Variants in RASA3 observed in about 807,000 individuals in gnomAD.
RASA3 encodes RAS p21 protein activator 3, also known as ras GTPase-activating protein 3.
RASA3 carries 73 observed loss-of-function variants against 110.0 expected under a neutral mutation model. The observed-to-expected ratio is 0.66, with a 90% CI of 0.55 to 0.81. The LOEUF (loss-of-function observed/expected upper bound fraction) is 0.81, where lower values mean the gene tolerates loss of function less well. Among genes scored for constraint, RASA3 ranks in the 30% least tolerant of loss-of-function variants. The pLI, the probability that RASA3 is intolerant of heterozygous loss-of-function variation, is 0.00. For synonymous variants in RASA3, 500 were observed against 451.4 expected (o/e 1.11, Z -1.37); for missense variants, 976 against 1,113.2 (o/e 0.88, Z 1.75).
chr13:114,106,798 G>A (rs777447054), intron 1 of RASA3, among the ~76,000 whole-genome samples: 1 of 152,184 alleles, frequency 6.6e-6, no homozygotes, highest in Non-Finnish European at 1.5e-5. Context: ...CACATGGAAG[G>A]CACACGGCCC....
chr13:113,999,735 AGGGGTCTCTGCCGG>A (rs2053339763), intron 19 of RASA3, 68 bp from the exon 20 acceptor site: 4 of 1,081,804 alleles, frequency 3.7e-6, no homozygotes, highest in South Asian at 2.6e-5. Context: ...GGTGGGGCTG[AGGGGTCTCTGCCGG>A]GGGGTCTCCC....
intron 7 of RASA3, among the ~76,000 whole-genome samples, chr13:114,025,629 C>T (rs1191243373): frequency 2.0e-5 from 3 of 152,270 alleles, no homozygotes; most frequent in Non-Finnish European, 2.9e-5. Context: ...AGCTGATCAC[C>T]AGCACGGTGC....
At chr13:114,092,667 T>C (rs1566566783) in intron 1 of RASA3, among the ~76,000 whole-genome samples, 1 of 152,220 alleles carries the variant, frequency 6.6e-6, no homozygotes, top group Non-Finnish European at 1.5e-5. Flanking sequence ...TGTTAATGTT[T>C]GTCAGGCTCT....
Position 114,048,452 on chromosome 13 carries a change from AAGGTGGAGGCCTAGCGGGAAAAGGAGGG to A in RASA3, c.277+3572_277+3599del, listed in dbSNP as rs1249799673. Among the ~76,000 whole-genome samples the A allele has an allele frequency of 6.7e-6, 1 of 150,130 alleles. No individual in the cohort carries two copies. The highest frequency in any genetic ancestry group is 1.5e-5 in the Non-Finnish European group (1 of 67,954). On this transcript the variant is annotated intron_variant, in intron 3 of 23. Coordinates refer to ENST00000334062, the MANE Select transcript of RASA3 (RefSeq NM_007368.4). This position sits in a 1 kb window ranked among gnomAD's most constrained non-coding sequence, Gnocchi z 4.3. ...TGCTACCAGAGCCGGGGCCCAGAGG[AAGGTGGAGGCCTAGCGGGAAAAGGAGGG>A]AGGCGCCAGGATCGGGGGCGGAGAC... is the stretch of plus-strand genomic sequence containing the variant.
chr13:114,025,280 G>C (rs1218620796), intron 7 of RASA3, among the ~76,000 whole-genome samples: 1 of 152,258 alleles, frequency 6.6e-6, no homozygotes, highest in Non-Finnish European at 1.5e-5. Context: ...AGATCACGCA[G>C]GGGCAGTTCT....
intron 2 of RASA3, among the ~76,000 whole-genome samples, chr13:114,067,516 C>T (rs1566546146): frequency 6.6e-6 from 1 of 152,258 alleles, no homozygotes; most frequent in South Asian, 2.1e-4. Context: ...AACCGTCTGT[C>T]TCCCAAACCA....
intron 18 of RASA3, among the ~76,000 whole-genome samples, chr13:114,004,776 A>G (rs969531476): frequency 5.3e-5 from 8 of 152,212 alleles, no homozygotes; most frequent in Admixed American, 2.0e-4. Context: ...ATCCCACACC[A>G]GGCCCCACCC....
chr13:114,019,284 CAA>C (rs1220888904), intron 9 of RASA3, among the ~76,000 whole-genome samples: 1 of 152,242 alleles, frequency 6.6e-6, no homozygotes, highest in African/African-American at 2.4e-5. Flanking sequence ...TTATCTCAAC[CAA>C]AGTGTGCCGT....
At chr13:114,021,061 G>A (rs760905454) in intron 9 of RASA3, among the ~76,000 whole-genome samples, 1 of 151,832 alleles carries the variant, frequency 6.6e-6, no homozygotes, top group Non-Finnish European at 1.5e-5. Context: ...AGCTGCTCGC[G>A]GCTCAGGGTC....
chr13:114,013,136 A>G lies in RASA3; in HGVS notation c.1512+6T>C, dbSNP rs757224662. 1.9e-6 allele frequency: 3 copies of G among 1,610,264 alleles called. No homozygotes were observed. Among genetic ancestry groups the G allele is most frequent in the Non-Finnish European group, 1.7e-6 (2 of 1,178,482 alleles). ...GAAAGCCTCGGTCCCTCAGCCGGTC[A>G]CTCACCGTGTGGTGCGGCGTGAGCT... On this transcript the variant is annotated splice_donor_region_variant and intron_variant, in intron 15 of 23. Coordinates refer to ENST00000334062, the MANE Select transcript of RASA3 (RefSeq NM_007368.4).
chr13:114,012,357 C>G (rs1024759427), intron 15 of RASA3, among the ~76,000 whole-genome samples: 8 of 149,960 alleles, frequency 5.3e-5, no homozygotes, highest in Admixed American at 2.0e-4. Flanking sequence ...TCCACACGCA[C>G]TCCCCATTCC....
At chr13:114,062,105 C>T (rs1469807760) in intron 2 of RASA3, among the ~76,000 whole-genome samples, 4 of 152,110 alleles carry the variant, frequency 2.6e-5, no homozygotes, top group Non-Finnish European at 4.4e-5. Flanking sequence ...ACATCTATAA[C>T]CTACATCCAG....
In RASA3 at chr13:113,996,515, C is replaced by G. The variant is rs377666135; in HGVS notation, c.2141+16G>C. On this transcript the variant is annotated intron_variant, in intron 21 of 23. Transcript: ENST00000334062. ...CCTGCACAGTGCACGAGCTGGGCAC[C>G]GAGGCACAGACCTACCCAGTGCAGG... 3.7e-6 allele frequency: 6 copies of G among 1,608,038 alleles called. No individual in the cohort carries two copies. Among genetic ancestry groups the G allele is most frequent in the East Asian group, 4.5e-5 (2 of 44,850 alleles).
At chr13:113,996,345 C>T (rs561795249) in intron 21 of RASA3, among the ~76,000 whole-genome samples, 186 bp downstream of exon 21, 2 of 152,302 alleles carry the variant, frequency 1.3e-5, no homozygotes, top group African/African-American at 4.8e-5. Flanking sequence ...CTTCCAGAGG[C>T]TGGGCCCCAG....
rs1270470432 is a variant in RASA3, at chr13:114,018,126, T to C, written c.1069A>G (p.Ser357Gly). 3 of 1,548,374 alleles carry C rather than the reference T, an allele frequency of 1.9e-6. No individual in the cohort carries two copies. Among genetic ancestry groups the C allele is most frequent in the Admixed American group, 3.9e-5 (2 of 50,880 alleles). Residue 357 changes from serine to glycine, a missense_variant, in exon 11 of 24, where the codon AGC becomes GGC. Coordinates refer to ENST00000334062, the MANE Select transcript of RASA3 (RefSeq NM_007368.4). ...CACTGGGTCCGCTTCACCTCCGCGC[T>C]GGCGATGGCACTGATGAATGGCACC... ...RVVPFISAIA[S>G]AEVKRTQDPN... is the part of the protein sequence containing the mutation.
intron 2 of RASA3, among the ~76,000 whole-genome samples, chr13:114,071,817 C>T (rs9562223): frequency 0.061 from 9,282 of 152,244 alleles, 658 homozygotes; most frequent in African/African-American, 0.14. Context: ...GCAGGAGACC[C>T]CTCACAGTTT....
At chr13:114,076,061 A>C (rs1338202691) in intron 1 of RASA3, among the ~76,000 whole-genome samples, 1 of 152,126 alleles carries the variant, frequency 6.6e-6, no homozygotes, top group African/African-American at 2.4e-5. Context: ...GCTGCTGCCC[A>C]CACGGAGCAG....
At chr13:114,059,769 G>A (rs559644634) in intron 2 of RASA3, among the ~76,000 whole-genome samples, 44 of 152,364 alleles carry the variant, frequency 2.9e-4, no homozygotes, top group South Asian at 1.4e-3. Flanking sequence ...CGATGTCTTT[G>A]GCCCCCGCCA....
chr13:114,097,869 G>C (rs570530929), intron 1 of RASA3, among the ~76,000 whole-genome samples: 43 of 152,326 alleles, frequency 2.8e-4, no homozygotes, highest in African/African-American at 9.9e-4. Context: ...CCCCACCATG[G>C]GGTCTTGTCT....
Sources: allele counts gnomAD v4.1 joint callset (sites outside exome capture counted in the v4.1 genomes callset), GRCh38; gene constraint gnomAD v4.1.1; non-coding constraint Gnocchi (gnomAD v3.1); transcripts MANE v1.5; gene names NCBI Gene and HGNC (gene_info 2026-07-23, HGNC 2026-07-21).